The following ADGRA1 variants were observed in gnomAD, a reference collection of about 807,000 sequenced individuals.
ADGRA1 encodes the protein G-protein coupled receptor 123.
In ADGRA1, 12 loss-of-function variants were observed where a neutral mutation model predicts 21.3. That is an observed-to-expected ratio of 0.56 (90% confidence interval 0.36 to 0.91). The LOEUF (loss-of-function observed/expected upper bound fraction) is 0.91, where lower values mean the gene tolerates loss of function less well. Ranked by LOEUF, ADGRA1 falls within the 40% of genes least tolerant of loss-of-function variation. ADGRA1 has a pLI of 0.01. For missense variants in ADGRA1, 790 were observed against 805.6 expected (o/e 0.98, Z 0.23); for synonymous variants, 385 against 368.8 (o/e 1.04, Z -0.50).
chr10:133,104,681 G>T (rs114030757), intron 5 of ADGRA1, among the ~76,000 whole-genome samples: 1 of 152,144 alleles, frequency 6.6e-6, no homozygotes, highest in African/African-American at 2.4e-5. Context: ...ACACAGTGCC[G>T]TGTTCCAGCT....
chr10:133,118,080 G>C (rs1013205707), intron 5 of ADGRA1, among the ~76,000 whole-genome samples: 1 of 152,142 alleles, frequency 6.6e-6, no homozygotes, highest in Non-Finnish European at 1.5e-5. Context: ...TGACACCACC[G>C]TCCCCAATCA....
At chr10:133,102,425 C>T (rs567437551) in intron 4 of ADGRA1, 83 of 590,992 alleles carry the variant, frequency 1.4e-4, no homozygotes, top group African/African-American at 1.0e-3. Context: ...TGCAGAGGGG[C>T]GTGAGTGCAC....
At chr10:133,127,202 GC>G in intron 5 of ADGRA1, 30 bp from the exon 6 acceptor site, 2 of 1,473,956 alleles carry the variant, frequency 1.4e-6, no homozygotes, top group Non-Finnish European at 1.8e-6. Context: ...GGCGGCGTCT[GC>G]AAGGGGGTCA....
In ADGRA1 at chr10:133,129,321, C is replaced by T. The variant is rs777992416; in HGVS notation, c.1493C>T (p.Thr498Met). ...DGSPALYSCP[T>M]QPGREAALGP... ...AGCCCTGCCCTCTACAGCTGCCCCA[C>T]GCAGCCGGGCAGGGAGGCAGCGCTC... is the stretch of plus-strand genomic sequence containing the variant. Residue 498 changes from threonine (T) to methionine (M), a missense_variant, in exon 7 of 7, where the codon ACG (threonine) becomes ATG (methionine). Physicochemically the swap from Thr to Met is moderately conservative, Grantham distance 81. Transcript: ENST00000392607. 5.1e-6 allele frequency: 8 copies of T among 1,561,450 alleles called. No individual in the cohort carries two copies. In the African/African-American group the frequency reaches 8.2e-5, roughly 16 times the overall value.
intron 5 of ADGRA1, among the ~76,000 whole-genome samples, chr10:133,112,529 A>AGGCCGCGTCGGTTATTTGGGGTCTGCG (rs1564850191): frequency 2.3e-5 from 2 of 86,670 alleles, no homozygotes; most frequent in African/African-American, 8.6e-5. Context: ...TGGGGTCTGC[A>AGGCCGCGTCGGTTATTTGGGGTCTGCG]GGCCGCGTCG....
intron 5 of ADGRA1, among the ~76,000 whole-genome samples, chr10:133,118,353 T>C (rs918363455): frequency 6.6e-6 from 1 of 152,246 alleles, no homozygotes; most frequent in African/African-American, 2.4e-5. Context: ...ACAACTTTTA[T>C]GTGCTGTATT....
rs1038602240 is a variant in ADGRA1 at position 133,088,065 on chromosome 10, G to A, written c.-276G>A. On this transcript the variant is annotated 5_prime_UTR_variant, in exon 1 of 7. Coordinates refer to ENST00000392607, the MANE Select transcript of ADGRA1 (RefSeq NM_001083909.3). ...CCTCGCGAATGGAGAGCGGGTCCCC[G>A]GCGGGGGGAGCGCAGCGCGTCTGTC... 9 of 985,226 alleles carry A rather than the reference G, an allele frequency of 9.1e-6. No homozygotes were observed. Among genetic ancestry groups the A allele is most frequent in the South Asian group, 4.7e-5 (1 of 21,292 alleles). 61.0% of individuals were successfully genotyped at this position (985,226 alleles called of 1,614,324 possible). A position where few individuals can be genotyped will look rare whatever the true frequency, so the allele number is the denominator to read the frequency against.
Position 133,088,861 on chromosome 10 carries a change from T to C in ADGRA1, c.-49T>C. 8.1e-7 allele frequency: 1 copy of C among 1,237,600 alleles called. No individual in the cohort carries two copies. The highest frequency in any genetic ancestry group is 1.0e-6 in the Non-Finnish European group (1 of 988,096). 76.7% of individuals were successfully genotyped at this position (1,237,600 alleles called of 1,614,324 possible). On this transcript the variant is annotated 5_prime_UTR_variant, in exon 2 of 7. Transcript: ENST00000392607. The stretch of plus-strand genomic sequence containing the variant: ...AGGGCGCCACCTGATCGCCTCCCCC[T>C]GGACGCCTCCTCCAGCGGCGCTCAC...
intron 4 of ADGRA1, among the ~76,000 whole-genome samples, chr10:133,101,239 G>A (rs188268424): frequency 4.6e-5 from 7 of 152,222 alleles, no homozygotes; most frequent in Non-Finnish European, 7.4e-5. Context: ...CTTCCTGCCC[G>A]CCTGCCCCGC....
chr10:133,115,882 G>T (rs1486153828), intron 5 of ADGRA1, among the ~76,000 whole-genome samples: 1 of 151,920 alleles, frequency 6.6e-6, no homozygotes, highest in East Asian at 1.9e-4. Flanking sequence ...ACCCCTCCCT[G>T]CCTTCCAGAG....
chr10:133,113,174 CGGTTATTTGAGGTCTGTAAGCCGCGT>C (rs1852093672), intron 5 of ADGRA1, among the ~76,000 whole-genome samples: 1 of 147,590 alleles, frequency 6.8e-6, no homozygotes, highest in Admixed American at 7.0e-5. Context: ...TAAGCCGCGT[CGGTTATTTGAGGTCTGTAAGCCGCGT>C]CGGTTATTTG....
chr10:133,110,368 G>A (rs536950233), intron 5 of ADGRA1, among the ~76,000 whole-genome samples: 76 of 152,390 alleles, frequency 5.0e-4, no homozygotes, highest in Non-Finnish European at 9.0e-4. Flanking sequence ...AGGTGCTGCC[G>A]TCAGTCATAA....
chr10:133,113,794 C>T (rs533639375), intron 5 of ADGRA1, among the ~76,000 whole-genome samples: 367 of 152,340 alleles, frequency 2.4e-3, no homozygotes, highest in Non-Finnish European at 4.1e-3. Context: ...CGGGGAAAAC[C>T]CTGGAAGGGA....
Position 133,113,580 on chromosome 10 carries a change from T to C in ADGRA1, c.401+10738T>C, listed in dbSNP as rs577881212. Among the ~76,000 whole-genome samples, 6 of 152,312 alleles carry C rather than the reference T, an allele frequency of 3.9e-5. No individual in the cohort carries two copies. The South Asian group carries it at 1.2e-3, about 32-fold the overall frequency. On this transcript the variant is annotated intron_variant, in intron 5 of 6. Transcript: ENST00000392607. The stretch of plus-strand genomic sequence containing the variant: ...CTGGGGCCCTCGGGCACTGGGGCCC[T>C]GGGAATGGCCAGTAGGAGGTGTCCA...
At chr10:133,094,407 A>G (rs1371121728) in intron 2 of ADGRA1, among the ~76,000 whole-genome samples, 2 of 152,134 alleles carry the variant, frequency 1.3e-5, no homozygotes, top group Non-Finnish European at 2.9e-5. Flanking sequence ...CAGGGCACAC[A>G]CTTTCCTGGC....
Position 133,118,189 on chromosome 10 carries a change from C to G in ADGRA1, c.402-9044C>G, listed in dbSNP as rs190668713. Reference sequence around the variant, plus strand: ...TGCCTCATTTCCCAAACTGCCTTTTCATTAGAGAGTAAAACCCCTTGAGGA... The same window carrying G: ...TGCCTCATTTCCCAAACTGCCTTTTGATTAGAGAGTAAAACCCCTTGAGGA... On this transcript the variant is annotated intron_variant, in intron 5 of 6. Transcript: ENST00000392607. 1.9e-3 allele frequency among the ~76,000 whole-genome samples: 289 copies of G among 152,344 alleles called. 2 individuals carry two copies. The highest frequency in any genetic ancestry group is 6.4e-3 in the African/African-American group (265 of 41,584).
intron 4 of ADGRA1, among the ~76,000 whole-genome samples, chr10:133,101,702 C>T (rs559621860): frequency 6.6e-6 from 1 of 152,328 alleles, no homozygotes; most frequent in Non-Finnish European, 1.5e-5. Flanking sequence ...TTCCAGGCCT[C>T]CCTGTCTCCA....
At chr10:133,123,068 C>G (rs1373279784) in intron 5 of ADGRA1, among the ~76,000 whole-genome samples, 1 of 152,248 alleles carries the variant, frequency 6.6e-6, no homozygotes, top group Non-Finnish European at 1.5e-5. Context: ...ATCCCTCCTG[C>G]CGACTGTGGC....
Position 133,129,249 on chromosome 10 carries a change from A to G in ADGRA1, c.1421A>G (p.Gln474Arg). The G allele has an allele frequency of 3.2e-6, 5 of 1,549,680 alleles. No individual in the cohort carries two copies. The highest frequency in any genetic ancestry group is 4.4e-6 in the Non-Finnish European group (5 of 1,146,926). ...ACACACACGCTGGCCTGCTGCACCC[A>G]GGGCGACCCCTTCCCCATGGTCACC... ...AGTHTLACCTQGDPFPMVTQP... is the reference protein window; with the variant it reads ...AGTHTLACCTRGDPFPMVTQP... Residue 474 changes from glutamine (Q) to arginine (R), a missense_variant, in exon 7 of 7, where the codon CAG becomes CGG. Physicochemically the swap from Gln to Arg is conservative, Grantham distance 43. Transcript: ENST00000392607.
Sources: gnomAD v4.1 joint callset for allele counts (sites outside exome capture counted in the v4.1 genomes callset) on GRCh38, gnomAD v4.1.1 for gene constraint, MANE v1.5 for transcripts, NCBI Gene and HGNC (gene_info 2026-07-23, HGNC 2026-07-21) for gene names.